The following THADA variants were observed in gnomAD, a reference collection of about 807,000 sequenced individuals.
THADA encodes the protein THADA armadillo repeat containing.
THADA carries 213 observed loss-of-function variants against 219.8 expected under a neutral mutation model. The ratio of observed to expected loss-of-function variants is 0.97; its 90% CI spans 0.87 to 1.09. THADA has a LOEUF of 1.09. THADA is among the 50% of genes least tolerant of loss of function. The pLI, the probability that THADA is intolerant of heterozygous loss-of-function variation, is 0.00. For missense variants in THADA, 2,956 were observed against 2,311.3 expected, an observed-to-expected ratio of 1.28 and a Z score of -5.72; for synonymous variants, 1,018 against 828.9, an observed-to-expected ratio of 1.23 and a Z score of -3.92.
chr2:43,323,381 C>A (rs941421571), intron 30 of THADA, among the ~76,000 whole-genome samples: 3 of 152,152 alleles, frequency 2.0e-5, no homozygotes, highest in African/African-American at 7.2e-5. Flanking sequence ...TTTAACCCTG[C>A]CCCTATCTTT....
chr2:43,510,383 C>A (rs139128709), intron 22 of THADA, among the ~76,000 whole-genome samples: 1 of 152,138 alleles, frequency 6.6e-6, no homozygotes, highest in South Asian at 2.1e-4. Flanking sequence ...CAAATACACA[C>A]GTTTATGTGT....
chr2:43,341,537 G>A (rs1378665517), intron 30 of THADA, among the ~76,000 whole-genome samples: 4 of 152,118 alleles, frequency 2.6e-5, no homozygotes, highest in African/African-American at 9.7e-5. Context: ...CTGGCCTGCC[G>A]CTCCATCTCC....
chr2:43,578,655 T>C (rs1269049458), intron 8 of THADA, 48 bp from the exon 9 acceptor site: 2 of 1,384,546 alleles, frequency 1.4e-6, no homozygotes, highest in Non-Finnish European at 2.0e-6. Flanking sequence ...ATGAATATTC[T>C]GGTAGAGTGG....
At chr2:43,571,132 T>C (rs1439676938) in intron 13 of THADA, among the ~76,000 whole-genome samples, 2 of 152,132 alleles carry the variant, frequency 1.3e-5, no homozygotes, top group Admixed American at 6.5e-5. Flanking sequence ...GGTGTGCCCC[T>C]GTCATCCCAG....
At chr2:43,254,016 G>C (rs1028895559) in intron 36 of THADA, among the ~76,000 whole-genome samples, 1 of 151,958 alleles carries the variant, frequency 6.6e-6, no homozygotes, top group African/African-American at 2.4e-5. Flanking sequence ...TGTGGTTTGG[G>C]TGGGGCTAAC....
At chr2:43,279,723 C>G (rs373417248) in intron 36 of THADA, 42 bp downstream of exon 36, 1 of 1,531,972 alleles carries the variant, frequency 6.5e-7, no homozygotes, top group African/African-American at 1.4e-5. Context: ...CAACCTCTAT[C>G]CTGCAGCGAT....
intron 36 of THADA, among the ~76,000 whole-genome samples, chr2:43,267,699 T>C (rs766446347): frequency 1.3e-5 from 2 of 152,048 alleles, no homozygotes; most frequent in Non-Finnish European, 2.9e-5. Flanking sequence ...TCTGGGGCCA[T>C]GTGAGGGATG....
chr2:43,344,295 A>C, intron 29 of THADA, 58 bp from the exon 30 acceptor site: 1 of 1,221,890 alleles, frequency 8.2e-7, no homozygotes, highest in Non-Finnish European at 1.2e-6. Context: ...CTAAATGCTC[A>C]GTTCCTCCCT....
intron 27 of THADA, among the ~76,000 whole-genome samples, chr2:43,429,276 T>C (rs748644800): frequency 1.7e-4 from 26 of 151,746 alleles, no homozygotes; most frequent in Non-Finnish European, 2.5e-4. Flanking sequence ...CTGGCTAATA[T>C]TTGTATTTTT....
intron 9 of THADA, 23 bp downstream of exon 9, chr2:43,578,490 T>C (rs78294550): frequency 2.6e-6 from 4 of 1,564,010 alleles, no homozygotes; most frequent in African/African-American, 1.4e-5. Context: ...TAAAGTACAA[T>C]TCTAAAAAGG....
chr2:43,563,971 T>C (rs1698378852), intron 15 of THADA: 2 of 152,220 alleles, frequency 1.3e-5, no homozygotes. Flanking sequence ...AACTCATTCA[T>C]TAGAAAGATG....
intron 36 of THADA, among the ~76,000 whole-genome samples, chr2:43,252,288 CATT>C: frequency 6.6e-6 from 1 of 152,302 alleles, no homozygotes; most frequent in East Asian, 1.9e-4. Flanking sequence ...GAGAACTTGT[CATT>C]ATTTAGAACT....
rs779428347 is a variant in THADA, at chr2:43,541,220, C to T, written c.3203G>A (p.Cys1068Tyr). The T allele has an allele frequency of 1.2e-6, 2 of 1,610,950 alleles. No individual in the cohort carries two copies. Among genetic ancestry groups the T allele is most frequent in the Non-Finnish European group, 8.5e-7 (1 of 1,178,758 alleles). Reference protein sequence around the residue: ...KEVALLLGMLCQLLPMQPVPE... With the variant: ...KEVALLLGMLYQLLPMQPVPE... ...CACAGGCTGCATGGGCAGAAGCTGG[C>T]ACAACATGCCTAAAAGTAAAGCAAC... The change falls in exon 21 of 38, where the codon TGC becomes TAC. Residue 1068 changes from cysteine (C) to tyrosine (Y), a missense_variant. By Grantham distance (194) the Cys-to-Tyr change is radical. Coordinates refer to ENST00000405975, the MANE Select transcript of THADA (RefSeq NM_022065.5).
chr2:43,435,914 G>A (rs931895725), intron 26 of THADA, among the ~76,000 whole-genome samples: 6 of 151,128 alleles, frequency 4.0e-5, no homozygotes, highest in Non-Finnish European at 7.4e-5. Context: ...TTCCCCTAAT[G>A]ACAAATCCAG....
intron 28 of THADA, among the ~76,000 whole-genome samples, chr2:43,424,048 G>A (rs1052929323): frequency 1.3e-5 from 2 of 152,150 alleles, no homozygotes; most frequent in African/African-American, 2.4e-5. Context: ...CACAACATCA[G>A]AACATAAAAT....
chr2:43,556,347 A>G lies in THADA; in HGVS notation c.2672T>C (p.Met891Thr). The change falls in exon 17 of 38, where the codon ATG becomes ACG. Residue 891 changes from methionine (M) to threonine (T), a missense_variant and splice_region_variant. By Grantham distance (81) the Met-to-Thr change is moderately conservative. Coordinates refer to ENST00000405975, the MANE Select transcript of THADA (RefSeq NM_022065.5). ...TAAGAGCAAACATCAATACAAACCC[A>G]TTAATGTGTTCCTTTCCACCACAGC... ...PAAVVERNTLMVIKCLMENLE... is the reference protein window; with the variant it reads ...PAAVVERNTLTVIKCLMENLE... 6.2e-7 allele frequency: 1 copy of G among 1,613,756 alleles called. No homozygotes were observed. The highest frequency in any genetic ancestry group is 8.5e-7 in the Non-Finnish European group (1 of 1,179,788).
chr2:43,586,949 G>A lies in THADA; in HGVS notation c.356C>T (p.Thr119Ile). The A allele has an allele frequency of 1.2e-6, 2 of 1,613,744 alleles. No individual in the cohort carries two copies. Among genetic ancestry groups the A allele is most frequent in the Non-Finnish European group, 1.7e-6 (2 of 1,179,812 alleles). The stretch of plus-strand genomic sequence containing the variant: ...ATTCAATTCTTCCTGAAGACGAGAA[G>A]TAAAACGGTGCATAGCCTCAGGTAG... ...FFLPEAMHRF[T>I]SRLQEELNTT... The change falls in exon 5 of 38, where the codon ACT becomes ATT. Residue 119 changes from threonine to isoleucine, a missense_variant. Transcript: ENST00000405975.
At position 43,236,888 on chromosome 2, in the gene THADA, C is replaced by T. The variant is rs548185896; in HGVS notation, c.5297-4006G>A. Among the ~76,000 whole-genome samples the T allele has an allele frequency of 1.0e-3, 148 of 145,154 alleles. 1 individual carries two copies. The highest frequency in any genetic ancestry group is 3.7e-3 in the African/African-American group (139 of 38,024). ...CATCCTGGCTAACATAGTGAAACCC[C>T]GTCTCTACTAAAAATACAAAAAAAA... On this transcript the variant is annotated intron_variant, in intron 36 of 37. Transcript: ENST00000405975.
chr2:43,396,743 G>A (rs1035180867), intron 29 of THADA, among the ~76,000 whole-genome samples: 2 of 151,994 alleles, frequency 1.3e-5, no homozygotes, highest in Admixed American at 6.5e-5. Flanking sequence ...CGCAGGAGGC[G>A]GAGTTTGCAG....
Sources: gnomAD v4.1 joint callset for allele counts (sites outside exome capture counted in the v4.1 genomes callset) on GRCh38, gnomAD v4.1.1 for gene constraint, MANE v1.5 for transcripts, NCBI Gene and HGNC (gene_info 2026-07-23, HGNC 2026-07-21) for gene names.